The following KRT13 variants were observed in gnomAD, a reference collection of about 807,000 sequenced individuals.
The protein encoded by KRT13 is keratin, type I cytoskeletal 13.
Under a neutral mutation model 40.6 loss-of-function variants are expected in KRT13, and 27 were observed. The ratio of observed to expected loss-of-function variants is 0.67; its 90% CI spans 0.49 to 0.92. The LOEUF (loss-of-function observed/expected upper bound fraction) is 0.92, where lower values mean the gene tolerates loss of function less well. Among genes scored for constraint, KRT13 ranks in the 40% least tolerant of loss-of-function variants. The pLI, the probability that KRT13 is intolerant of heterozygous loss-of-function variation, is 0.00. For synonymous variants in KRT13, 266 were observed against 240.3 expected, an observed-to-expected ratio of 1.11 and a Z score of -0.99; for missense variants, 605 against 611.5, an observed-to-expected ratio of 0.99 and a Z score of 0.11.
chr17:41,503,384 C>T lies in KRT13; in HGVS notation c.638G>A (p.Arg213Gln), dbSNP rs201435685. ...SVEADINGLR[R>Q]VLDELTLSKT... ...AGACAGAGTGAGCTCATCCAGCACC[C>T]GGCGCAGGCCGTTGATGTCGGCCTC... The change falls in exon 3 of 8, where the codon CGG becomes CAG. Residue 213 changes from arginine (R) to glutamine (Q), a missense_variant. Physicochemically the swap from Arg to Gln is conservative, Grantham distance 43. Coordinates refer to ENST00000246635, the MANE Select transcript of KRT13 (RefSeq NM_153490.3). 4.1e-5 allele frequency: 66 copies of T among 1,614,134 alleles called. No homozygotes were observed. The highest frequency in any genetic ancestry group is 2.3e-5 in the Non-Finnish European group (27 of 1,180,046).
In KRT13 at chr17:41,501,368, A is replaced by G; in HGVS notation, c.1271-6T>C. Reference sequence around the variant, plus strand: ...GCTACGGGGGCTGACGCTTCCTGGGAAACAAGAGACAAGACATGCTCAGGC... The same window carrying G: ...GCTACGGGGGCTGACGCTTCCTGGGGAACAAGAGACAAGACATGCTCAGGC... On this transcript the variant is annotated splice_polypyrimidine_tract_variant and splice_region_variant and intron_variant, in intron 7 of 7. Transcript: ENST00000246635. 6.4e-7 allele frequency: 1 copy of G among 1,552,902 alleles called. No homozygotes were observed. The highest frequency in any genetic ancestry group is 8.7e-7 in the Non-Finnish European group (1 of 1,145,810).
Position 41,502,574 on chromosome 17 carries a change from C to G in KRT13, c.1044G>C (p.Thr348=). The stretch of plus-strand genomic sequence containing the variant: ...CATAGCGGCACTCCGTCTCTGCCAC[C>G]GTGTTCTCCAGCCCCGCTTTCTGGT... ...QLSMKAGLEN[T]VAETECRYAL... Residue 348 remains threonine (T), a synonymous_variant, in exon 6 of 8, where the codon ACG becomes ACC. Coordinates refer to ENST00000246635, the MANE Select transcript of KRT13 (RefSeq NM_153490.3). 2.5e-6 allele frequency: 4 copies of G among 1,613,738 alleles called. No individual in the cohort carries two copies. The highest frequency in any genetic ancestry group is 8.5e-7 in the Non-Finnish European group (1 of 1,180,034).
chr17:41,501,414 A>G (rs1345794479), intron 7 of KRT13, 52 bp from the exon 8 acceptor site: 1 of 1,428,642 alleles, frequency 7.0e-7, no homozygotes, highest in Non-Finnish European at 9.7e-7. Flanking sequence ...CCACCTCAGG[A>G]CAGGGCAGGG....
Position 41,505,357 on chromosome 17 carries a change from T to C in KRT13, c.194A>G (p.Tyr65Cys). The C allele has an allele frequency of 6.2e-7, 1 of 1,613,586 alleles. No homozygotes were observed. Among genetic ancestry groups the C allele is most frequent in the Non-Finnish European group, 8.5e-7 (1 of 1,179,734 alleles). ...GGAGSGFGGG[Y>C]GGGLGGGYGG... ...ATAGCCACCTCCAAGGCCACCTCCATAGCCACCTCCAAAGCCACTACCAGC... is the reference window on the plus strand; with the variant it reads ...ATAGCCACCTCCAAGGCCACCTCCACAGCCACCTCCAAAGCCACTACCAGC... Residue 65 changes from tyrosine (Y) to cysteine (C), a missense_variant, in exon 1 of 8, where the codon TAT becomes TGT. Tyr to Cys is a radical substitution (Grantham distance 194). Transcript: ENST00000246635.
chr17:41,505,200 G>T lies in KRT13; in HGVS notation c.351C>A (p.Ser117=). The change falls in exon 1 of 8, where the codon TCC becomes TCA. Residue 117 remains serine, a synonymous_variant. Coordinates refer to ENST00000246635, the MANE Select transcript of KRT13 (RefSeq NM_153490.3). ...TMQNLNDRLA[S]YLEKVRALEE... ...CCAGGGCGCGCACCTTCTCCAGGTA[G>T]GAAGCCAGGCGGTCGTTGAGGTTCT... 1 of 1,614,226 alleles carries T rather than the reference G, an allele frequency of 6.2e-7. No homozygotes were observed. The highest frequency in any genetic ancestry group is 1.1e-5 in the South Asian group (1 of 91,082).
chr17:41,501,977 G>C, intron 6 of KRT13: 4 of 1,432,906 alleles, frequency 2.8e-6, no homozygotes, highest in South Asian at 3.0e-5. Context: ...TTAGCCACAA[G>C]ATTCAGGGTG....
At chr17:41,503,804 A>C in intron 1 of KRT13, 79 bp from the exon 2 acceptor site, 1 of 1,092,966 alleles carries the variant, frequency 9.1e-7, no homozygotes, top group Non-Finnish European at 1.4e-6. Context: ...TTGGAAGAAG[A>C]ATTGTCTTGG....
chr17:41,502,132 A>T, intron 6 of KRT13: 7 of 1,436,838 alleles, frequency 4.9e-6, no homozygotes, highest in Non-Finnish European at 6.4e-6. Context: ...ATCCAAGCTC[A>T]TGTTTTTCCA....
At chr17:41,501,606 C>T in intron 7 of KRT13, 113 bp downstream of exon 7, 1 of 1,522,254 alleles carries the variant, frequency 6.6e-7, no homozygotes, top group Non-Finnish European at 8.9e-7. Context: ...CCCCTCCCTA[C>T]ACTGGAGAGC....
chr17:41,501,384 A>G (rs770790139), intron 7 of KRT13, 22 bp from the exon 8 acceptor site: 3 of 1,533,894 alleles, frequency 2.0e-6, no homozygotes, highest in Non-Finnish European at 2.7e-6. Context: ...GAGACAAGAC[A>G]TGCTCAGGCT....
At chr17:41,503,969 G>C (rs892005140) in intron 1 of KRT13, 6 of 498,908 alleles carry the variant, frequency 1.2e-5, no homozygotes, top group African/African-American at 1.9e-5. Flanking sequence ...GCAGCCCACC[G>C]GCCACAGGTT....
Position 41,503,331 on chromosome 17 carries a change from T to C in KRT13, c.691A>G (p.Ser231Gly). The C allele has an allele frequency of 6.2e-7, 1 of 1,614,232 alleles. No homozygotes were observed. Among genetic ancestry groups the C allele is most frequent in the African/African-American group, 1.3e-5 (1 of 75,066 alleles). Reference sequence around the variant, plus strand: ...ATGTAGGCTAGCTCTTCATTCAGGCTCTCGATCTGCATCTCCAGGTCAGTC... The same window carrying C: ...ATGTAGGCTAGCTCTTCATTCAGGCCCTCGATCTGCATCTCCAGGTCAGTC... ...SKTDLEMQIE[S>G]LNEELAYMKK... Residue 231 changes from serine (S) to glycine (G), a missense_variant, in exon 3 of 8, where the codon AGC (serine) becomes GGC (glycine). Ser to Gly is a moderately conservative substitution (Grantham distance 56). Transcript: ENST00000246635.
In KRT13 at chr17:41,505,163, C is replaced by T. The variant is rs1047174279; in HGVS notation, c.388G>A (p.Ala130Thr). The change falls in exon 1 of 8, where the codon GCT becomes ACT. Residue 130 changes from alanine (A) to threonine (T), a missense_variant. Coordinates refer to ENST00000246635, the MANE Select transcript of KRT13 (RefSeq NM_153490.3). ...TCACGGATCTTCACCTCCAGGTCAG[C>T]GTTGGCCTCCTCCAGGGCGCGCACC... ...EKVRALEEANADLEVKIRDWH... is the reference protein window; with the variant it reads ...EKVRALEEANTDLEVKIRDWH... 4.3e-6 allele frequency: 7 copies of T among 1,614,236 alleles called. No homozygotes were observed. The highest frequency in any genetic ancestry group is 5.1e-6 in the Non-Finnish European group (6 of 1,180,042).
intron 7 of KRT13, 168 bp from the exon 8 acceptor site, chr17:41,501,530 TG>T (rs1904850591): frequency 1.8e-6 from 2 of 1,142,350 alleles, no homozygotes; most frequent in Non-Finnish European, 2.5e-6. Flanking sequence ...AATAGCTCTG[TG>T]GGGCAGAGCC....
rs1207501153 is a variant in KRT13 at position 41,503,386 on chromosome 17, G to A, written c.636C>T (p.Arg212=). ...QSVEADINGL[R]RVLDELTLSK... is the part of the protein sequence containing the mutation. ...ACAGAGTGAGCTCATCCAGCACCCG[G>A]CGCAGGCCGTTGATGTCGGCCTCCA... Residue 212 remains arginine, a synonymous_variant, in exon 3 of 8, where the codon CGC becomes CGT. Coordinates refer to ENST00000246635, the MANE Select transcript of KRT13 (RefSeq NM_153490.3). 1 of 1,614,122 alleles carries A rather than the reference G, an allele frequency of 6.2e-7. No homozygotes were observed. The highest frequency in any genetic ancestry group is 8.5e-7 in the Non-Finnish European group (1 of 1,180,038).
chr17:41,504,533 G>A (rs1567714414), intron 1 of KRT13: 1 of 163,196 alleles, frequency 6.1e-6, no homozygotes, highest in Non-Finnish European at 1.4e-5. Flanking sequence ...TGGTATCACA[G>A]CACAACAGAC....
intron 7 of KRT13, 172 bp from the exon 8 acceptor site, chr17:41,501,534 G>A: frequency 8.7e-7 from 1 of 1,155,184 alleles, no homozygotes; most frequent in South Asian, 1.4e-5. Context: ...GCTCTGTGGG[G>A]CAGAGCCATC....
Position 41,503,627 on chromosome 17 carries a change from GA to G in KRT13, c.578+15del, listed in dbSNP as rs753894302. 535 of 1,351,010 alleles carry G rather than the reference GA, an allele frequency of 4.0e-4. 1 individual carries two copies. Among genetic ancestry groups the G allele is most frequent in the Middle Eastern group, 9.4e-4 (5 of 5,344 alleles). The allele number at this position is 1,351,010 out of a possible 1,614,324, so 83.7% of individuals were successfully genotyped here. Reference sequence around the variant, plus strand: ...ACTCCTGGGAAAGGAGAGGGAGGGGGAAAAAAAAAACTCACTTGAGCCTGAA... The same window carrying G: ...ACTCCTGGGAAAGGAGAGGGAGGGGGAAAAAAAAACTCACTTGAGCCTGAA... On this transcript the variant is annotated intron_variant, in intron 2 of 7. Coordinates refer to ENST00000246635, the MANE Select transcript of KRT13 (RefSeq NM_153490.3).
intron 1 of KRT13, 53 bp downstream of exon 1, chr17:41,505,003 C>T: frequency 3.1e-6 from 5 of 1,608,670 alleles, no homozygotes; most frequent in Non-Finnish European, 4.3e-6. Context: ...GTTTCTTGGC[C>T]TTGGAGGCTC....
Sources: gnomAD v4.1 joint callset for allele counts on GRCh38, gnomAD v4.1.1 for gene constraint, MANE v1.5 for transcripts, NCBI Gene and HGNC (gene_info 2026-07-23, HGNC 2026-07-21) for gene names.